The following MACROD2 variants were observed in gnomAD, a reference collection of about 807,000 sequenced individuals.
The protein encoded by MACROD2 is mono-ADP ribosylhydrolase 2.
MACROD2 carries 36 observed loss-of-function variants against 70.4 expected under a neutral mutation model. The ratio of observed to expected loss-of-function variants is 0.51; its 90% CI spans 0.39 to 0.68. The LOEUF is 0.68. Among genes scored for constraint, MACROD2 ranks in the 30% least tolerant of loss-of-function variants. The pLI, the probability that MACROD2 is intolerant of heterozygous loss-of-function variation, is 0.00. For missense variants in MACROD2, 496 were observed against 538.4 expected, an observed-to-expected ratio of 0.92 and a Z score of 0.78; for synonymous variants, 172 against 178.8, an observed-to-expected ratio of 0.96 and a Z score of 0.30.
chr20:14,471,914 TAAAA>T (rs962987341), intron 3 of MACROD2, among the ~76,000 whole-genome samples: 4 of 152,096 alleles, frequency 2.6e-5, no homozygotes, highest in Non-Finnish European at 5.9e-5. Flanking sequence ...ATAAAAGAAA[TAAAA>T]GAAATAAAAT....
At chr20:16,011,862 G>A (rs6110870) in intron 15 of MACROD2, among the ~76,000 whole-genome samples, 3 of 152,234 alleles carry the variant, frequency 2.0e-5, no homozygotes, top group African/African-American at 4.8e-5. Context: ...CCATGATCAA[G>A]GCTCCACATC....
At chr20:15,707,619 A>C (rs1411657976) in intron 8 of MACROD2, among the ~76,000 whole-genome samples, 1 of 152,120 alleles carries the variant, frequency 6.6e-6, no homozygotes, top group Non-Finnish European at 1.5e-5. Flanking sequence ...CCCCGTCTCT[A>C]CAAAAATACA....
chr20:16,003,078 CCACCCACACACACA>C (rs1220475468), intron 15 of MACROD2, among the ~76,000 whole-genome samples: 97 of 129,990 alleles, frequency 7.5e-4, no homozygotes, highest in Middle Eastern at 3.9e-3. Flanking sequence ...ACCCACCCAC[CCACCCACACACACA>C]CACACACACA....
intron 15 of MACROD2, among the ~76,000 whole-genome samples, chr20:16,039,407 GTCT>G (rs1395901715): frequency 6.6e-6 from 1 of 151,594 alleles, no homozygotes; most frequent in African/African-American, 2.4e-5. Flanking sequence ...TAAGTTGGTG[GTCT>G]TCTTCATCTC....
intron 4 of MACROD2, among the ~76,000 whole-genome samples, chr20:14,502,611 ATGAG>A (rs1472464058): frequency 6.6e-6 from 1 of 152,196 alleles, no homozygotes; most frequent in Non-Finnish European, 1.5e-5. Context: ...TGTTAGATAA[ATGAG>A]TATCACTCTA....
chr20:15,505,933 A>G (rs1295963762), intron 8 of MACROD2, among the ~76,000 whole-genome samples: 1 of 152,106 alleles, frequency 6.6e-6, no homozygotes, highest in Non-Finnish European at 1.5e-5. Context: ...AATATCATCT[A>G]CTTGTCATTT....
intron 15 of MACROD2, among the ~76,000 whole-genome samples, chr20:16,007,951 A>G (rs556700797): frequency 1.3e-5 from 2 of 152,132 alleles, no homozygotes; most frequent in Non-Finnish European, 2.9e-5. Flanking sequence ...ACCTTGTTCA[A>G]CCTCCTGCTG....
At chr20:15,256,442 C>T (rs926105989) in intron 6 of MACROD2, among the ~76,000 whole-genome samples, 1 of 151,502 alleles carries the variant, frequency 6.6e-6, no homozygotes, top group Non-Finnish European at 1.5e-5. Flanking sequence ...ATAAAGTGAT[C>T]AAGCAAGTTT....
intron 6 of MACROD2, among the ~76,000 whole-genome samples, chr20:15,345,037 T>C (rs1177692147): frequency 6.6e-6 from 1 of 152,194 alleles, no homozygotes; most frequent in Non-Finnish European, 1.5e-5. Flanking sequence ...GACTGCTCTC[T>C]TGTATCATCA....
intron 8 of MACROD2, among the ~76,000 whole-genome samples, chr20:15,644,905 G>T (rs1426678591): frequency 6.6e-6 from 1 of 152,088 alleles, no homozygotes; most frequent in Non-Finnish European, 1.5e-5. Context: ...GGTGAGGCTG[G>T]TCTCGAACCC....
intron 8 of MACROD2, among the ~76,000 whole-genome samples, chr20:15,690,921 G>A (rs1227887552): frequency 6.6e-6 from 1 of 152,118 alleles, no homozygotes; most frequent in Non-Finnish European, 1.5e-5. Flanking sequence ...CTTGAAGTGG[G>A]AAGGTTGTGT....
intron 5 of MACROD2, among the ~76,000 whole-genome samples, chr20:15,160,319 G>A (rs555667483): frequency 2.6e-4 from 40 of 152,066 alleles, no homozygotes; most frequent in Admixed American, 3.3e-4. Flanking sequence ...AACTATCATA[G>A]CGATTTGATA....
intron 5 of MACROD2, among the ~76,000 whole-genome samples, chr20:14,890,094 A>C (rs2073734086): frequency 6.6e-6 from 1 of 152,132 alleles, no homozygotes; most frequent in Non-Finnish European, 1.5e-5. Flanking sequence ...GGAAGGATGT[A>C]ATCGCTTCCA....
intron 8 of MACROD2, among the ~76,000 whole-genome samples, chr20:15,789,875 T>C (rs952495884): frequency 5.3e-5 from 8 of 152,130 alleles, no homozygotes; most frequent in Non-Finnish European, 1.0e-4. Flanking sequence ...AGGAACCAAG[T>C]GTTAACAAAA....
chr20:14,599,965 G>T (rs1225329668), intron 4 of MACROD2, among the ~76,000 whole-genome samples: 1 of 152,094 alleles, frequency 6.6e-6, no homozygotes, highest in Non-Finnish European at 1.5e-5. Context: ...AATTAAGGTG[G>T]TGAAAGGACA....
intron 2 of MACROD2, among the ~76,000 whole-genome samples, chr20:14,060,461 T>G (rs920018819): frequency 6.6e-6 from 1 of 152,144 alleles, no homozygotes; most frequent in Admixed American, 6.6e-5. Context: ...TTGATATTCA[T>G]AGGGGACACC....
chr20:14,163,561 C>A (rs1458104466), intron 3 of MACROD2, among the ~76,000 whole-genome samples: 2 of 151,890 alleles, frequency 1.3e-5, no homozygotes, highest in African/African-American at 4.8e-5. Flanking sequence ...CTCATTTTCT[C>A]TTCATCTTCT....
At chr20:14,410,092 A>G (rs2083733776) in intron 3 of MACROD2, among the ~76,000 whole-genome samples, 1 of 152,142 alleles carries the variant, frequency 6.6e-6, no homozygotes, top group Admixed American at 6.6e-5. Flanking sequence ...ATGTCCATCA[A>G]TGATTGGCAA....
At chr20:14,615,623 C>T (rs978110376) in intron 4 of MACROD2, among the ~76,000 whole-genome samples, 1 of 151,946 alleles carries the variant, frequency 6.6e-6, no homozygotes, top group African/African-American at 2.4e-5. Flanking sequence ...GCCCATGGGT[C>T]TAGAAGCTCA....
Sources: allele counts gnomAD v4.1 joint callset (sites outside exome capture counted in the v4.1 genomes callset), GRCh38; gene constraint gnomAD v4.1.1; transcripts MANE v1.5; gene names NCBI Gene and HGNC (gene_info 2026-07-23, HGNC 2026-07-21).